ADAM9: variants seen among roughly 807,000 people sequenced by gnomAD.
ADAM9 encodes the protein ADAM metallopeptidase domain 9.
A neutral mutation model predicts 108.1 loss-of-function variants in ADAM9; 54 were observed. The ratio of observed to expected loss-of-function variants is 0.50; its 90% confidence interval spans 0.40 to 0.63. The LOEUF is 0.63. Ranked by LOEUF, ADAM9 falls within the 20% of genes least tolerant of loss-of-function variation. The pLI is 0.00. For synonymous variants in ADAM9, 316 were observed against 336.0 expected (o/e 0.94, Z 0.65); for missense variants, 830 against 997.7 (o/e 0.83, Z 2.26).
chr8:39,007,842 T>C (rs1836213129), intron 1 of ADAM9, 44 bp from the exon 2 acceptor site: 1 of 1,363,672 alleles, frequency 7.3e-7, no homozygotes, highest in Non-Finnish European at 1.0e-6. Context: ...TCCCACGTAG[T>C]TTTTCAGTTT....
chr8:39,029,080 T>A (rs1162690310), intron 11 of ADAM9, among the ~76,000 whole-genome samples: 1 of 152,078 alleles, frequency 6.6e-6, no homozygotes, highest in Admixed American at 6.5e-5. Flanking sequence ...GATTTCAAAT[T>A]TAAGGTATCC....
chr8:39,080,448 A>G (rs947212256), intron 16 of ADAM9, among the ~76,000 whole-genome samples: 1 of 152,176 alleles, frequency 6.6e-6, no homozygotes, highest in Non-Finnish European at 1.5e-5. Context: ...AAGGATAGCA[A>G]GTGGTTGGTG....
chr8:39,029,049 G>A (rs930059058), intron 11 of ADAM9, among the ~76,000 whole-genome samples: 11 of 151,324 alleles, frequency 7.3e-5, no homozygotes, highest in South Asian at 4.2e-4. Flanking sequence ...GCATATTGAC[G>A]TTTAAATATG....
intron 20 of ADAM9, among the ~76,000 whole-genome samples, chr8:39,096,332 T>TTTTTA (rs1839504977): frequency 4.0e-5 from 5 of 126,116 alleles, no homozygotes; most frequent in East Asian, 3.0e-4. Context: ...GTGCATATTC[T>TTTTTA]ATAGCACATA....
intron 9 of ADAM9, 31 bp downstream of exon 9, chr8:39,023,356 G>T: frequency 6.4e-7 from 1 of 1,572,294 alleles, no homozygotes; most frequent in South Asian, 1.2e-5. Context: ...TACTATTAAT[G>T]AAATAATCAA....
chr8:39,032,475 C>G (rs1303614877), intron 11 of ADAM9, among the ~76,000 whole-genome samples: 4 of 152,272 alleles, frequency 2.6e-5, no homozygotes, highest in Non-Finnish European at 5.9e-5. Context: ...ACCCGCCGAG[C>G]CAGGCGTGGG....
chr8:39,095,423 A>G (rs554020096), intron 20 of ADAM9, among the ~76,000 whole-genome samples: 1 of 152,172 alleles, frequency 6.6e-6, no homozygotes, highest in Admixed American at 6.5e-5. Context: ...ATGTTGTTTA[A>G]TTTTCATGTA....
chr8:39,061,142 G>A (rs890887855), intron 14 of ADAM9, among the ~76,000 whole-genome samples: 2 of 152,172 alleles, frequency 1.3e-5, no homozygotes, highest in Admixed American at 6.5e-5. Flanking sequence ...ATGTTGACAC[G>A]AATCTCTGCA....
intron 14 of ADAM9, among the ~76,000 whole-genome samples, chr8:39,063,907 T>G (rs1477004772): frequency 6.6e-6 from 1 of 152,108 alleles, no homozygotes; most frequent in Non-Finnish European, 1.5e-5. Flanking sequence ...CAGGATAAGA[T>G]TCTAGGTTTG....
chr8:39,042,192 C>T, intron 12 of ADAM9, 75 bp downstream of exon 12: 1 of 1,515,084 alleles, frequency 6.6e-7, no homozygotes, highest in Non-Finnish European at 9.2e-7. Flanking sequence ...TTGCTTTGGG[C>T]AACTCTGACA....
At chr8:39,091,218 T>C (rs1275027913) in intron 19 of ADAM9, 41 bp from the exon 20 acceptor site, 1 of 1,568,982 alleles carries the variant, frequency 6.4e-7, no homozygotes, top group East Asian at 2.2e-5. Context: ...TGTAGAAATG[T>C]TTTTATCTTA....
At chr8:39,030,220 T>G (rs370122016) in intron 11 of ADAM9, among the ~76,000 whole-genome samples, 25 of 152,170 alleles carry the variant, frequency 1.6e-4, no homozygotes, top group African/African-American at 6.0e-4. Flanking sequence ...AGTATTTCCA[T>G]TGCCTTAAAA....
chr8:39,090,467 C>T (rs1459420853), intron 19 of ADAM9, among the ~76,000 whole-genome samples: 2 of 152,068 alleles, frequency 1.3e-5, no homozygotes, highest in Non-Finnish European at 2.9e-5. Flanking sequence ...CACGCTCAGC[C>T]TATATTAAAT....
At chr8:38,998,114 CATTG>C (rs1360392569) in intron 1 of ADAM9, among the ~76,000 whole-genome samples, 2 of 152,302 alleles carry the variant, frequency 1.3e-5, no homozygotes, top group South Asian at 2.1e-4. Flanking sequence ...TTTACTAAAT[CATTG>C]ATTGAAAGTT....
chr8:39,062,213 G>T (rs1838321539), intron 14 of ADAM9, among the ~76,000 whole-genome samples: 1 of 152,246 alleles, frequency 6.6e-6, no homozygotes, highest in East Asian at 1.9e-4. Flanking sequence ...CCTGGTAAAA[G>T]CCATAGGTCC....
At chr8:39,066,351 A>G (rs1458314939) in intron 14 of ADAM9, among the ~76,000 whole-genome samples, 1 of 152,220 alleles carries the variant, frequency 6.6e-6, no homozygotes, top group East Asian at 1.9e-4. Context: ...TGGTTGAACT[A>G]GTTTACAGTC....
chr8:39,017,359 A>G lies in ADAM9; in HGVS notation c.551A>G (p.Lys184Arg), dbSNP rs1836568882. 4 of 1,614,188 alleles carry G rather than the reference A, an allele frequency of 2.5e-6. No individual in the cohort carries two copies. The highest frequency in any genetic ancestry group is 3.4e-6 in the Non-Finnish European group (4 of 1,180,020). ...GGAGTTTCCAACAAGGATATAGAGA[A>G]AGAAACTGCAAAGGATGAAGAGGAA... ...KCGVSNKDIE[K>R]ETAKDEEEEP... The change falls in exon 6 of 22, where the codon AAA becomes AGA. Residue 184 changes from lysine (K) to arginine (R), a missense_variant. Coordinates refer to ENST00000487273, the MANE Select transcript of ADAM9 (RefSeq NM_003816.3).
At chr8:39,096,912 T>C (rs992488755) in intron 20 of ADAM9, among the ~76,000 whole-genome samples, 1 of 152,220 alleles carries the variant, frequency 6.6e-6, no homozygotes, top group African/African-American at 2.4e-5. Context: ...CTTTTAGTTG[T>C]CCATCTGCAT....
Position 39,093,577 on chromosome 8 carries a change from A to G in ADAM9, c.2298+2231A>G, listed in dbSNP as rs139214981. The stretch of plus-strand genomic sequence containing the variant: ...TTCCTTTCCAATTTGGATGTCTTTT[A>G]TTTCTTTTTCTTGCCTAACTGCTCT... On this transcript the variant is annotated intron_variant, in intron 20 of 21. Transcript: ENST00000487273. Among the ~76,000 whole-genome samples, 85 of 152,228 alleles carry G rather than the reference A, an allele frequency of 5.6e-4. 1 individual carries two copies. The highest frequency in any genetic ancestry group is 2.0e-3 in the African/African-American group (83 of 41,540).
Sources: allele counts gnomAD v4.1 joint callset (sites outside exome capture counted in the v4.1 genomes callset), GRCh38; gene constraint gnomAD v4.1.1; transcripts MANE v1.5; gene names NCBI Gene and HGNC (gene_info 2026-07-23, HGNC 2026-07-21).